The following CARF variants were observed in gnomAD, a reference collection of about 807,000 sequenced individuals.
CARF encodes calcium-responsive transcription factor.
CARF carries 57 observed loss-of-function variants against 82.0 expected under a neutral mutation model. That is an observed-to-expected ratio of 0.70 (90% CI 0.56 to 0.87). The LOEUF (loss-of-function observed/expected upper bound fraction) is 0.87, where lower values mean the gene tolerates loss of function less well. Ranked by LOEUF, CARF falls within the 40% of genes least tolerant of loss-of-function variation. The pLI, the probability that CARF is intolerant of heterozygous loss-of-function variation, is 0.00. For missense variants in CARF, 771 were observed against 855.8 expected (o/e 0.90, Z 1.24); for synonymous variants, 268 against 290.1 (o/e 0.92, Z 0.77).
At chr2:202,970,446 C>A (rs2059741669) in intron 11 of CARF, among the ~76,000 whole-genome samples, 1 of 152,098 alleles carries the variant, frequency 6.6e-6, no homozygotes, top group South Asian at 2.1e-4. Flanking sequence ...TAAAACTAAT[C>A]TTTGATTACT....
intron 5 of CARF, among the ~76,000 whole-genome samples, chr2:202,946,084 TA>T (rs1160927899): frequency 6.6e-6 from 1 of 152,206 alleles, no homozygotes; most frequent in Non-Finnish European, 1.5e-5. Flanking sequence ...CTTTTTTTCA[TA>T]TGCTTGTTGA....
chr2:202,929,602 T>C (rs1692500209), intron 3 of CARF, among the ~76,000 whole-genome samples: 1 of 152,270 alleles, frequency 6.6e-6, no homozygotes, highest in Non-Finnish European at 1.5e-5. Flanking sequence ...TAATATATTT[T>C]GAAGCCAGAT....
Position 202,966,840 on chromosome 2 carries a change from A to T in CARF, c.833-138A>T, listed in dbSNP as rs1574733959. On this transcript the variant is annotated intron_variant, in intron 9 of 16. Transcript: ENST00000438828. ...AATTTATATGTTTGTATATGTAAGT[A>T]AGACTTACTAATGTTTTCTTTCCTT... 1.4e-5 allele frequency: 10 copies of T among 701,894 alleles called. No homozygotes were observed. In the South Asian group the frequency reaches 2.3e-4, roughly 16 times the overall value. 43.5% of individuals were successfully genotyped at this position (701,894 alleles called of 1,614,324 possible).
At chr2:202,972,674 TAAAAAAAAAA>T (rs35376227) in intron 12 of CARF, among the ~76,000 whole-genome samples, 95 of 103,010 alleles carry the variant, frequency 9.2e-4, no homozygotes, top group African/African-American at 2.9e-3. Context: ...AGACTCCGTC[TAAAAAAAAAA>T]AAAAAAAAAA....
chr2:202,914,234 C>T (rs1012908047), intron 1 of CARF, among the ~76,000 whole-genome samples: 1 of 152,046 alleles, frequency 6.6e-6, no homozygotes, highest in Admixed American at 6.6e-5. Flanking sequence ...TGGAGAACCA[C>T]AGTTTGGAAA....
intron 9 of CARF, among the ~76,000 whole-genome samples, chr2:202,965,281 C>G (rs1430590780): frequency 1.3e-5 from 2 of 152,124 alleles, no homozygotes; most frequent in African/African-American, 4.8e-5. Context: ...AAGAATACCT[C>G]CTCGGTGTGC....
At chr2:202,914,539 G>A (rs1689230316) in intron 1 of CARF, among the ~76,000 whole-genome samples, 1 of 152,046 alleles carries the variant, frequency 6.6e-6, no homozygotes, top group Admixed American at 6.5e-5. Context: ...AGCATTTTGG[G>A]TGGCTGAGGC....
intron 5 of CARF, among the ~76,000 whole-genome samples, chr2:202,945,802 T>A (rs1252734704): frequency 6.6e-6 from 1 of 152,216 alleles, no homozygotes; most frequent in Non-Finnish European, 1.5e-5. Context: ...GGAAGAATGA[T>A]TTATATTCCT....
At chr2:202,916,707 T>C (rs1293754115) in intron 1 of CARF, among the ~76,000 whole-genome samples, 1 of 152,184 alleles carries the variant, frequency 6.6e-6, no homozygotes, top group South Asian at 2.1e-4. Flanking sequence ...ACAACATGGT[T>C]GGATGTTAAG....
intron 5 of CARF, among the ~76,000 whole-genome samples, chr2:202,943,867 T>C (rs2058364752): frequency 6.6e-6 from 1 of 151,902 alleles, no homozygotes; most frequent in Admixed American, 6.6e-5. Flanking sequence ...AGGCTTGTCT[T>C]GAACTCCTGA....
At chr2:202,964,701 C>T (rs2059469190) in intron 9 of CARF, among the ~76,000 whole-genome samples, 1 of 151,930 alleles carries the variant, frequency 6.6e-6, no homozygotes, top group Non-Finnish European at 1.5e-5. Flanking sequence ...CTTCCAGCTT[C>T]AACAACTATC....
chr2:202,964,425 A>G (rs1034809314), intron 9 of CARF, among the ~76,000 whole-genome samples: 4 of 151,986 alleles, frequency 2.6e-5, no homozygotes, highest in African/African-American at 9.7e-5. Flanking sequence ...GACTACAGGT[A>G]TATGCCACCA....
intron 9 of CARF, chr2:202,962,630 T>G (rs1216225546): frequency 6.6e-6 from 1 of 152,254 alleles, no homozygotes; most frequent in Non-Finnish European, 1.5e-5. Flanking sequence ...GTCTGTATTT[T>G]TATACTTTAC....
chr2:202,963,428 G>GT (rs1442480582), intron 9 of CARF, among the ~76,000 whole-genome samples: 2 of 152,028 alleles, frequency 1.3e-5, no homozygotes, highest in African/African-American at 4.8e-5. Context: ...ATGTAATATG[G>GT]TAACATTATG....
rs1275103804 is a variant in CARF, at chr2:202,984,576, G to A, written c.*952G>A. Reference sequence around the variant, plus strand: ...TGTAGTTACATTTTTCTATGCCAGAGCTCTTACTGAATTGATGATATTAGG... The same window carrying A: ...TGTAGTTACATTTTTCTATGCCAGAACTCTTACTGAATTGATGATATTAGG... On this transcript the variant is annotated 3_prime_UTR_variant, in exon 17 of 17. Transcript: ENST00000438828. 6.6e-6 allele frequency: 1 copy of A among 152,174 alleles called. No homozygotes were observed. Among genetic ancestry groups the A allele is most frequent in the African/African-American group, 2.4e-5 (1 of 41,432 alleles). The allele number at this position is 152,174 out of a possible 1,614,324, so 9.4% of individuals were successfully genotyped here.
chr2:202,952,877 T>G (rs2058821061), intron 6 of CARF, among the ~76,000 whole-genome samples, 198 bp downstream of exon 6: 1 of 152,114 alleles, frequency 6.6e-6, no homozygotes, highest in South Asian at 2.1e-4. Flanking sequence ...GCTATTTCAT[T>G]TAAGAATTCT....
At chr2:202,914,470 T>C (rs1574430300) in intron 1 of CARF, among the ~76,000 whole-genome samples, 1 of 152,202 alleles carries the variant, frequency 6.6e-6, no homozygotes, top group East Asian at 1.9e-4. Flanking sequence ...AAGATCTACC[T>C]CAGAGTCATT....
At chr2:202,929,341 AT>A (rs1692451629) in intron 3 of CARF, among the ~76,000 whole-genome samples, 1 of 152,026 alleles carries the variant, frequency 6.6e-6, no homozygotes, top group African/African-American at 2.4e-5. Flanking sequence ...TCTTTAATCC[AT>A]TTTTAGTTGG....
rs2060462965 is a variant in CARF, at chr2:202,986,891, T to TATATATATACATATATATATATATATAC, written c.*3276_*3277insCATATATATATATATATACATATATATA. 2.4e-4 allele frequency: 20 copies of TATATATATACATATATATATATATATAC among 82,956 alleles called. 3 individuals are homozygous for TATATATATACATATATATATATATATAC. Among genetic ancestry groups the TATATATATACATATATATATATATATAC allele is most frequent in the Non-Finnish European group, 5.6e-4 (18 of 32,414 alleles). 5.1% of individuals were successfully genotyped at this position (82,956 alleles called of 1,614,324 possible). A position where few individuals can be genotyped will look rare whatever the true frequency, so the allele number is the denominator to read the frequency against. ...GCGTATATATATATATATATATATA[T>TATATATATACATATATATATATATATAC]ATATATATATATATATAGCAACTTG... On this transcript the variant is annotated 3_prime_UTR_variant, in exon 17 of 17. Transcript: ENST00000438828.
Sources: gnomAD v4.1 joint callset for allele counts (sites outside exome capture counted in the v4.1 genomes callset) on GRCh38, gnomAD v4.1.1 for gene constraint, MANE v1.5 for transcripts, NCBI Gene and HGNC (gene_info 2026-07-23, HGNC 2026-07-21) for gene names.